REV1: variants seen among roughly 807,000 people sequenced by gnomAD.
REV1 encodes the protein translesion synthesis protein REV1.
In REV1, 42 loss-of-function variants were observed where a neutral mutation model predicts 137.4. That is an observed-to-expected ratio of 0.31 (90% CI 0.24 to 0.40). REV1 has a LOEUF of 0.40. REV1 is among the 10% of genes least tolerant of loss of function. REV1 has a pLI of 1.00. For synonymous variants in REV1, 524 were observed against 519.2 expected (o/e 1.01, Z -0.12); for missense variants, 1,282 against 1,490.1 (o/e 0.86, Z 2.30).
chr2:99,468,409 T>C (rs1685057615), intron 1 of REV1, among the ~76,000 whole-genome samples: 1 of 152,152 alleles, frequency 6.6e-6, no homozygotes, highest in South Asian at 2.1e-4. Flanking sequence ...CCTTCAGAAA[T>C]AACACACTCC....
At chr2:99,466,702 CAAGAT>C (rs1301258375) in intron 1 of REV1, among the ~76,000 whole-genome samples, 1 of 152,086 alleles carries the variant, frequency 6.6e-6, no homozygotes, top group Non-Finnish European at 1.5e-5. Context: ...AACAGAGAGA[CAAGAT>C]AATACAAACG....
chr2:99,472,875 A>G (rs1000872566), intron 1 of REV1, among the ~76,000 whole-genome samples: 2 of 152,262 alleles, frequency 1.3e-5, no homozygotes, highest in African/African-American at 4.8e-5. Flanking sequence ...TTAACAGCAC[A>G]AACAGCTTTT....
At position 99,438,779 on chromosome 2, in the gene REV1, G is replaced by C; in HGVS notation, c.1035C>G (p.Asp345Glu). The C allele has an allele frequency of 6.2e-7, 1 of 1,614,226 alleles. No homozygotes were observed. Among genetic ancestry groups the C allele is most frequent in the Non-Finnish European group, 8.5e-7 (1 of 1,180,034 alleles). The change falls in exon 6 of 23, where the codon GAC becomes GAG. Residue 345 changes from aspartate to glutamate, a missense_variant. Physicochemically the swap from Asp to Glu is conservative, Grantham distance 45. Coordinates refer to ENST00000258428, the MANE Select transcript of REV1 (RefSeq NM_016316.4). Reference sequence around the variant, plus strand: ...AATAGAAGTTTGAAATAAAATTGCAGTCTGAAGGTTTGGATGGCACTGAAG... The same window carrying C: ...AATAGAAGTTTGAAATAAAATTGCACTCTGAAGGTTTGGATGGCACTGAAG... ...AAPSVPSKPS[D>E]CNFISNFYSH... is the part of the protein sequence containing the mutation.
intron 3 of REV1, among the ~76,000 whole-genome samples, chr2:99,452,342 G>T (rs1313371208): frequency 6.7e-6 from 1 of 150,320 alleles, no homozygotes; most frequent in Non-Finnish European, 1.5e-5. Flanking sequence ...TGGATACCTT[G>T]AGCCAGAGAG....
Position 99,418,965 on chromosome 2 carries a change from C to T in REV1, c.1832-18G>A, listed in dbSNP as rs1678266142. 6.4e-7 allele frequency: 1 copy of T among 1,574,698 alleles called. No homozygotes were observed. The highest frequency in any genetic ancestry group is 1.8e-5 in the Admixed American group (1 of 55,858). On this transcript the variant is annotated intron_variant, in intron 11 of 22. Transcript: ENST00000258428. The stretch of plus-strand genomic sequence containing the variant: ...ATTAGAACCTATTAAAAAAAAAAGT[C>T]ATCCAAGAAATAGTCACAATTATTT...
chr2:99,438,758 G>A lies in REV1; in HGVS notation c.1056C>T (p.Phe352=). The A allele has an allele frequency of 6.2e-7, 1 of 1,614,180 alleles. No individual in the cohort carries two copies. The highest frequency in any genetic ancestry group is 8.5e-7 in the Non-Finnish European group (1 of 1,180,024). The change falls in exon 6 of 23, where the codon TTC becomes TTT. Residue 352 remains phenylalanine, a synonymous_variant. Coordinates refer to ENST00000258428, the MANE Select transcript of REV1 (RefSeq NM_016316.4). The part of the protein sequence containing the change: ...KPSDCNFISN[F]YSHSRLHHIS... ...TGTGATGCAGTCTTGAATGAGAATA[G>A]AAGTTTGAAATAAAATTGCAGTCTG...
At chr2:99,404,409 G>C in intron 18 of REV1, 35 bp downstream of exon 18, 1 of 1,495,118 alleles carries the variant, frequency 6.7e-7, no homozygotes, top group South Asian at 1.1e-5. Flanking sequence ...TGAGAATATT[G>C]AAACTACAGC....
At chr2:99,458,459 T>C (rs1683776515) in intron 3 of REV1, among the ~76,000 whole-genome samples, 1 of 152,230 alleles carries the variant, frequency 6.6e-6, no homozygotes. Context: ...GCAAAGAAAG[T>C]TGATCCCTCA....
At chr2:99,447,034 T>A (rs554760902) in intron 4 of REV1, among the ~76,000 whole-genome samples, 1 of 152,266 alleles carries the variant, frequency 6.6e-6, no homozygotes, top group South Asian at 2.1e-4. Flanking sequence ...ATATCATTGA[T>A]AGACAGTGGT....
At chr2:99,454,631 G>A (rs1683338302) in intron 3 of REV1, among the ~76,000 whole-genome samples, 1 of 144,726 alleles carries the variant, frequency 6.9e-6, no homozygotes, top group Admixed American at 7.1e-5. Flanking sequence ...TCTAGTCCCA[G>A]CTACTCAGGA....
chr2:99,435,943 T>TA lies in REV1; in HGVS notation c.1214-3dup. ...GAGAATTCAATACTGACATATCTCC[T>TA]AGAAGGAAAAAGACAGCATTCAAAC... On this transcript the variant is annotated splice_polypyrimidine_tract_variant and splice_region_variant and intron_variant, in intron 6 of 22. Transcript: ENST00000258428. The TA allele has an allele frequency of 6.5e-7, 1 of 1,531,936 alleles. No homozygotes were observed. The highest frequency in any genetic ancestry group is 9.0e-7 in the Non-Finnish European group (1 of 1,108,914). The allele number at this position is 1,531,936 out of a possible 1,614,324, so 94.9% of individuals were successfully genotyped here. A position where few individuals can be genotyped will look rare whatever the true frequency, so the allele number is the denominator to read the frequency against.
At chr2:99,402,039 T>C (rs903232128) in intron 22 of REV1, among the ~76,000 whole-genome samples, 13 of 152,210 alleles carry the variant, frequency 8.5e-5, no homozygotes, top group East Asian at 1.9e-4. Context: ...CCACTTCCTA[T>C]GGTTTTTTAA....
chr2:99,452,764 C>A (rs997117479), intron 3 of REV1, among the ~76,000 whole-genome samples: 48 of 152,208 alleles, frequency 3.2e-4, no homozygotes, highest in Non-Finnish European at 2.9e-4. Flanking sequence ...AGAATCCACC[C>A]TCCAGCAAAA....
intron 1 of REV1, among the ~76,000 whole-genome samples, chr2:99,472,208 G>A (rs1293171674): frequency 1.3e-5 from 2 of 152,132 alleles, no homozygotes; most frequent in Admixed American, 6.5e-5. Flanking sequence ...TACATACAAC[G>A]AAATACTATT....
intron 9 of REV1, among the ~76,000 whole-genome samples, chr2:99,427,568 C>A (rs887578066): frequency 6.6e-6 from 1 of 152,166 alleles, no homozygotes; most frequent in African/African-American, 2.4e-5. Context: ...AGCAGATCAT[C>A]CCCACAATCT....
chr2:99,419,395 A>G (rs1678356981), intron 11 of REV1, among the ~76,000 whole-genome samples: 1 of 151,464 alleles, frequency 6.6e-6, no homozygotes, highest in Admixed American at 6.6e-5. Flanking sequence ...CTGTATTTTT[A>G]CAGACGGGGT....
In REV1 at chr2:99,402,713, T is replaced by C. The variant is rs1488367294; in HGVS notation, c.3472A>G (p.Asn1158Asp). ...TTGAATTCAACAGCTCCAGCTAGAT[T>C]GGGTGCTGGAGGTCTCACACAGCCA... ...PAGCVRPPAP[N>D]LAGAVEFNDV... Residue 1158 changes from asparagine to aspartate, a missense_variant, in exon 21 of 23, where the codon AAT (asparagine) becomes GAT (aspartate). Physicochemically the swap from Asn to Asp is conservative, Grantham distance 23. Coordinates refer to ENST00000258428, the MANE Select transcript of REV1 (RefSeq NM_016316.4). 6.2e-7 allele frequency: 1 copy of C among 1,613,930 alleles called. No homozygotes were observed. Among genetic ancestry groups the C allele is most frequent in the African/African-American group, 1.3e-5 (1 of 75,026 alleles).
chr2:99,409,150 A>G (rs1676746128), intron 14 of REV1, among the ~76,000 whole-genome samples: 2 of 152,204 alleles, frequency 1.3e-5, no homozygotes, highest in South Asian at 4.1e-4. Context: ...AATGACCACT[A>G]TTTACTATTT....
intron 18 of REV1, 127 bp downstream of exon 18, chr2:99,404,317 T>TCCC: frequency 2.4e-5 from 11 of 450,934 alleles, no homozygotes; most frequent in Middle Eastern, 3.7e-4. Flanking sequence ...TCCCCTCCCC[T>TCCC]CCCCTCCCCT....
Sources: gnomAD v4.1 joint callset for allele counts (sites outside exome capture counted in the v4.1 genomes callset) on GRCh38, gnomAD v4.1.1 for gene constraint, MANE v1.5 for transcripts, NCBI Gene and HGNC (gene_info 2026-07-23, HGNC 2026-07-21) for gene names.